KLHL32: variants seen among roughly 807,000 people sequenced by gnomAD.
KLHL32 encodes the protein kelch like family member 32.
Under a neutral mutation model 64.8 loss-of-function variants are expected in KLHL32, and 35 were observed. That is an observed-to-expected ratio of 0.54 (90% CI 0.41 to 0.72). The LOEUF is 0.72. KLHL32 is among the 30% of genes least tolerant of loss of function. The probability of loss-of-function intolerance (pLI) is 0.00; values close to 1 mark genes in which losing one functional copy is unlikely to be tolerated. For missense variants in KLHL32, 589 were observed against 768.5 expected, an observed-to-expected ratio of 0.77 and a Z score of 2.76; for synonymous variants, 259 against 281.0, an observed-to-expected ratio of 0.92 and a Z score of 0.78.
chr6:97,133,882 A>C (rs959013843), intron 10 of KLHL32, among the ~76,000 whole-genome samples: 2 of 152,216 alleles, frequency 1.3e-5, no homozygotes, highest in Non-Finnish European at 2.9e-5. Flanking sequence ...CTTAGCATAC[A>C]TGGAACATTT....
intron 4 of KLHL32, among the ~76,000 whole-genome samples, chr6:97,053,668 G>A (rs1411487849): frequency 6.6e-6 from 1 of 151,736 alleles, no homozygotes; most frequent in African/African-American, 2.4e-5. Flanking sequence ...TTTTGTGATT[G>A]TAATTTACTT....
Position 97,057,478 on chromosome 6 carries a change from G to A in KLHL32, c.313-7150G>A, listed in dbSNP as rs1261279214. Among the ~76,000 whole-genome samples the A allele has an allele frequency of 5.6e-5, 5 of 89,142 alleles. 2 individuals carry two copies. Among genetic ancestry groups the A allele is most frequent in the African/African-American group, 1.4e-4 (2 of 13,924 alleles). 58.5% of individuals were successfully genotyped at this position (89,142 alleles called of 152,430 possible). ...ATTACAGGCGTGAGCCACCGCGCCCGGCCGAGTATCTTTTTATATGCTTAT... is the reference window on the plus strand; with the variant it reads ...ATTACAGGCGTGAGCCACCGCGCCCAGCCGAGTATCTTTTTATATGCTTAT... On this transcript the variant is annotated intron_variant, in intron 4 of 10. Coordinates refer to ENST00000369261, the MANE Select transcript of KLHL32 (RefSeq NM_052904.4).
At chr6:97,135,794 A>G (rs1799940738) in intron 10 of KLHL32, among the ~76,000 whole-genome samples, 2 of 152,180 alleles carry the variant, frequency 1.3e-5, no homozygotes, top group African/African-American at 2.4e-5. Flanking sequence ...TATGTTATGG[A>G]TGACGATAGA....
At chr6:96,924,332 G>C (rs193287890), upstream of KLHL32, among the ~76,000 whole-genome samples, 125 of 152,246 alleles carry the variant, frequency 8.2e-4, no homozygotes, top group African/African-American at 2.9e-3. Context: ...CCGGGTCTCA[G>C]TCGCCGCAGT....
At chr6:97,072,156 T>G (rs1016149944) in intron 5 of KLHL32, among the ~76,000 whole-genome samples, 5 of 152,258 alleles carry the variant, frequency 3.3e-5, no homozygotes, top group African/African-American at 1.2e-4. Flanking sequence ...TCCCATCTCC[T>G]TGAGCCCCAC....
At chr6:96,928,176 T>G (rs1000851882) in intron 1 of KLHL32, among the ~76,000 whole-genome samples, 1 of 152,194 alleles carries the variant, frequency 6.6e-6, no homozygotes, top group Non-Finnish European at 1.5e-5. Context: ...AAATTTTAAA[T>G]GTTCTGATTG....
intron 4 of KLHL32, among the ~76,000 whole-genome samples, chr6:97,060,596 G>C (rs756401601): frequency 6.6e-6 from 1 of 152,164 alleles, no homozygotes; most frequent in Non-Finnish European, 1.5e-5. Flanking sequence ...TCTGCCTGGA[G>C]ACCAGGAGTC....
chr6:96,942,734 G>A (rs1298432857), intron 1 of KLHL32, among the ~76,000 whole-genome samples: 2 of 150,764 alleles, frequency 1.3e-5, no homozygotes, highest in African/African-American at 4.9e-5. Context: ...TCTCAAGGAA[G>A]AAGAGAGAGG....
At chr6:96,965,595 C>A (rs1397050885) in intron 1 of KLHL32, among the ~76,000 whole-genome samples, 1 of 152,150 alleles carries the variant, frequency 6.6e-6, no homozygotes, top group Non-Finnish European at 1.5e-5. Flanking sequence ...AATCAATATT[C>A]TTTGCAGTTT....
At chr6:96,971,069 G>A (rs778372389) in intron 2 of KLHL32, among the ~76,000 whole-genome samples, 5 of 151,908 alleles carry the variant, frequency 3.3e-5, no homozygotes, top group Non-Finnish European at 5.9e-5. Context: ...GTGTAAAGTA[G>A]CCTAGTTAAG....
chr6:97,047,665 G>A (rs1786142267), intron 4 of KLHL32, among the ~76,000 whole-genome samples: 1 of 152,154 alleles, frequency 6.6e-6, no homozygotes, highest in Non-Finnish European at 1.5e-5. Flanking sequence ...AGAGGTATGA[G>A]GAAGAAGGAA....
chr6:96,940,681 G>A (rs1331006872), intron 1 of KLHL32, among the ~76,000 whole-genome samples: 2 of 152,180 alleles, frequency 1.3e-5, no homozygotes, highest in Admixed American at 6.5e-5. Context: ...ATAATAAGCT[G>A]AGTTACAGAA....
intron 6 of KLHL32, among the ~76,000 whole-genome samples, chr6:97,099,635 A>G (rs947932004): frequency 2.6e-5 from 4 of 152,110 alleles, no homozygotes; most frequent in African/African-American, 9.7e-5. Context: ...CCACAGGGCT[A>G]TCTCTCTACA....
chr6:96,932,862 T>C (rs1396826504), intron 1 of KLHL32, among the ~76,000 whole-genome samples: 2 of 152,154 alleles, frequency 1.3e-5, no homozygotes, highest in Non-Finnish European at 2.9e-5. Flanking sequence ...TGAGCCACTG[T>C]ACCTTACCAA....
chr6:97,064,512 T>C, intron 4 of KLHL32, 116 bp from the exon 5 acceptor site: 1 of 698,506 alleles, frequency 1.4e-6, no homozygotes, highest in Non-Finnish European at 2.4e-6. Context: ...ACAGTGTTAA[T>C]TGAAATAGAG....
intron 1 of KLHL32, among the ~76,000 whole-genome samples, chr6:96,957,515 TATTTTA>T (rs1773415056): frequency 6.6e-6 from 1 of 152,208 alleles, no homozygotes; most frequent in Non-Finnish European, 1.5e-5. Flanking sequence ...ATGAATAATT[TATTTTA>T]ATTTTAACTG....
At chr6:96,951,476 G>A (rs1772584307) in intron 1 of KLHL32, among the ~76,000 whole-genome samples, 1 of 152,026 alleles carries the variant, frequency 6.6e-6, no homozygotes, top group South Asian at 2.1e-4. Flanking sequence ...GGGCCATGTG[G>A]GGCATGTTGG....
chr6:97,085,265 C>A lies in KLHL32; in HGVS notation c.551C>A (p.Thr184Lys). The change falls in exon 6 of 11, where the codon ACG becomes AAG. Residue 184 changes from threonine to lysine, a missense_variant. This residue lies in a region of KLHL32 where 191 missense variants were observed against 223.3 expected (regional missense o/e 0.86). Transcript: ENST00000369261. ...AAGAGCCGCCCAGAAGAAGTTCTAA[C>A]GCTTCCCTATTGCCTGCTTCAGGAG... ...LLKSRPEEVL[T>K]LPYCLLQEVL... The A allele has an allele frequency of 6.2e-7, 1 of 1,613,808 alleles. No homozygotes were observed. Among genetic ancestry groups the A allele is most frequent in the African/African-American group, 1.3e-5 (1 of 75,002 alleles).
intron 6 of KLHL32, among the ~76,000 whole-genome samples, chr6:97,103,448 T>G (rs537427990): frequency 7.2e-5 from 11 of 152,076 alleles, no homozygotes; most frequent in African/African-American, 2.7e-4. Flanking sequence ...CTCCTGACCT[T>G]GTGATCTGCC....
Sources: gnomAD v4.1 joint callset for allele counts (sites outside exome capture counted in the v4.1 genomes callset) on GRCh38, gnomAD v4.1.1 for gene constraint, gnomAD v4.1.1 regional missense constraint, MANE v1.5 for transcripts, NCBI Gene and HGNC (gene_info 2026-07-23, HGNC 2026-07-21) for gene names.